GRIK1: variants seen among roughly 807,000 people sequenced by gnomAD.
The protein encoded by GRIK1 is glutamate receptor ionotropic, kainate 1.
In GRIK1, 69 loss-of-function variants were observed where a neutral mutation model predicts 105.7. The ratio of observed to expected loss-of-function variants is 0.65; its 90% confidence interval spans 0.54 to 0.80. The LOEUF is 0.80. GRIK1 is among the 30% of genes least tolerant of loss of function. GRIK1 has a pLI of 0.00. For synonymous variants in GRIK1, 438 were observed against 431.3 expected (o/e 1.02, Z -0.19); for missense variants, 1,109 against 1,167.3 (o/e 0.95, Z 0.73).
intron 1 of GRIK1, among the ~76,000 whole-genome samples, chr21:29,804,126 T>C (rs2066788897): frequency 6.6e-6 from 1 of 152,066 alleles, no homozygotes; most frequent in Non-Finnish European, 1.5e-5. Flanking sequence ...AGCTTTTTCT[T>C]TGAATGTGAG....
chr21:29,731,061 A>G (rs1276913255), intron 1 of GRIK1, among the ~76,000 whole-genome samples: 1 of 152,164 alleles, frequency 6.6e-6, no homozygotes. Context: ...AAGATTAGGA[A>G]ACAAAAAGAA....
intron 1 of GRIK1, among the ~76,000 whole-genome samples, chr21:29,774,358 G>C (rs2065888813): frequency 6.6e-6 from 1 of 151,670 alleles, no homozygotes; most frequent in Non-Finnish European, 1.5e-5. Context: ...TATTATGAGA[G>C]TATATCACAG....
At chr21:29,745,402 C>T (rs1433846100) in intron 1 of GRIK1, among the ~76,000 whole-genome samples, 1 of 152,244 alleles carries the variant, frequency 6.6e-6, no homozygotes, top group Non-Finnish European at 1.5e-5. Flanking sequence ...AGATTCCTCA[C>T]TCAGAAACTG....
At chr21:29,579,043 A>G (rs1194437265) in intron 13 of GRIK1, among the ~76,000 whole-genome samples, 1 of 152,222 alleles carries the variant, frequency 6.6e-6, no homozygotes, top group South Asian at 2.1e-4. Flanking sequence ...TATGTATTAT[A>G]TGGCATTAAG....
At chr21:29,791,234 G>C (rs1291059638) in intron 1 of GRIK1, among the ~76,000 whole-genome samples, 4 of 152,114 alleles carry the variant, frequency 2.6e-5, no homozygotes, top group Non-Finnish European at 5.9e-5. Context: ...CAGTGTGATG[G>C]AAAGCCAGAC....
rs34910439 is a variant in GRIK1 at position 29,541,575 on chromosome 21, C to CTTTTTTTTTTTTTTTT, written c.2608-3707_2608-3692dup. 5.1e-3 allele frequency among the ~76,000 whole-genome samples: 491 copies of CTTTTTTTTTTTTTTTT among 95,948 alleles called. 78 individuals carry two copies. The highest frequency in any genetic ancestry group is 0.022 in the African/African-American group (454 of 20,930). 62.9% of individuals were successfully genotyped at this position (95,948 alleles called of 152,430 possible). Reference sequence around the variant, plus strand: ...CTATGCCATTCATTGCACTCACGGTCTTTTTTTTTTTTTTTTTTTTTGTGG... The same window carrying CTTTTTTTTTTTTTTTT: ...CTATGCCATTCATTGCACTCACGGTCTTTTTTTTTTTTTTTTTTTTTTTTTTTTTTTTTTTTTGTGG... On this transcript the variant is annotated intron_variant, in intron 16 of 17. Coordinates refer to ENST00000327783, the MANE Select transcript of GRIK1 (RefSeq NM_001330994.2).
intron 1 of GRIK1, among the ~76,000 whole-genome samples, chr21:29,805,032 T>A (rs745675352): frequency 1.3e-5 from 2 of 152,144 alleles, no homozygotes; most frequent in Non-Finnish European, 2.9e-5. Flanking sequence ...AGCCTCTATT[T>A]GTTTTTCCTT....
chr21:29,919,455 C>A (rs2071118623), intron 1 of GRIK1, among the ~76,000 whole-genome samples: 1 of 152,164 alleles, frequency 6.6e-6, no homozygotes, highest in Non-Finnish European at 1.5e-5. Context: ...TTACAGCAAT[C>A]TGTAAGTAGA....
chr21:29,869,495 G>C (rs2068937460), intron 1 of GRIK1, among the ~76,000 whole-genome samples: 1 of 152,204 alleles, frequency 6.6e-6, no homozygotes, highest in South Asian at 2.1e-4. Context: ...GTGGTGGTGG[G>C]AAGAACTGAG....
At chr21:29,784,702 A>G (rs1480099089) in intron 1 of GRIK1, among the ~76,000 whole-genome samples, 2 of 152,244 alleles carry the variant, frequency 1.3e-5, no homozygotes, top group East Asian at 3.8e-4. Flanking sequence ...TGTTTAATTA[A>G]TACTATCCCA....
intron 7 of GRIK1, among the ~76,000 whole-genome samples, chr21:29,629,019 T>G (rs1046433826): frequency 1.3e-5 from 2 of 152,188 alleles, no homozygotes; most frequent in African/African-American, 4.8e-5. Context: ...CCCTACTATA[T>G]GCAGGAAGAG....
At chr21:29,826,418 C>A (rs73360375) in intron 1 of GRIK1, among the ~76,000 whole-genome samples, 2,669 of 152,182 alleles carry the variant, frequency 0.018, 82 homozygotes, top group African/African-American at 0.062. Context: ...AATCCATGGA[C>A]TTTGAGTAAA....
At chr21:29,928,431 T>C (rs2071457207) in intron 1 of GRIK1, among the ~76,000 whole-genome samples, 1 of 152,200 alleles carries the variant, frequency 6.6e-6, no homozygotes, top group African/African-American at 2.4e-5. Context: ...ATAAAATCCC[T>C]TAGATCTGGA....
chr21:29,697,971 TTCTCTCTGTC>T (rs1232523259), intron 1 of GRIK1, among the ~76,000 whole-genome samples: 5 of 150,960 alleles, frequency 3.3e-5, no homozygotes, highest in African/African-American at 1.2e-4. Context: ...CTTTCTTTCT[TTCTCTCTGTC>T]TCTTTCTTTC....
chr21:29,638,295 G>A (rs1212180163), intron 7 of GRIK1, among the ~76,000 whole-genome samples: 1 of 152,020 alleles, frequency 6.6e-6, no homozygotes, highest in Admixed American at 6.6e-5. Context: ...AGGAGAAAGC[G>A]AAAGGGGAAG....
At chr21:29,672,654 A>C (rs979741760) in intron 4 of GRIK1, among the ~76,000 whole-genome samples, 1 of 152,006 alleles carries the variant, frequency 6.6e-6, no homozygotes, top group Non-Finnish European at 1.5e-5. Context: ...AGTCTTTTCA[A>C]GAGACATAAG....
Position 29,561,924 on chromosome 21 carries a change from A to G in GRIK1, c.2131-75T>C, listed in dbSNP as rs363493. 2.6e-3 allele frequency: 2,031 copies of G among 791,402 alleles called. 33 individuals are homozygous for G. In the African/African-American group the frequency reaches 0.03, roughly 12 times the overall value. The allele number at this position is 791,402 out of a possible 1,614,324, so 49.0% of individuals were successfully genotyped here. A position where few individuals can be genotyped will look rare whatever the true frequency, so the allele number is the denominator to read the frequency against. ...CGACCTAAAGGTATTCAAAGTCCCA[A>G]TGGTTCAAATAATGATAGGGAGGAT... On this transcript the variant is annotated intron_variant, in intron 14 of 17. Transcript: ENST00000327783.
chr21:29,862,084 T>C (rs2068660996), intron 1 of GRIK1, among the ~76,000 whole-genome samples: 1 of 152,150 alleles, frequency 6.6e-6, no homozygotes, highest in African/African-American at 2.4e-5. Flanking sequence ...TCTCCTGTAC[T>C]CAAGTGATTC....
intron 1 of GRIK1, among the ~76,000 whole-genome samples, chr21:29,873,254 T>C (rs1400606123): frequency 6.6e-6 from 1 of 152,180 alleles, no homozygotes; most frequent in East Asian, 1.9e-4. Context: ...TTTAATTAGT[T>C]TAAATAGCAT....
Sources: allele counts gnomAD v4.1 joint callset (sites outside exome capture counted in the v4.1 genomes callset), GRCh38; gene constraint gnomAD v4.1.1; transcripts MANE v1.5; gene names NCBI Gene and HGNC (gene_info 2026-07-23, HGNC 2026-07-21).